PPP5C: variants seen among roughly 807,000 people sequenced by gnomAD.
PPP5C encodes serine/threonine-protein phosphatase 5.
A neutral mutation model predicts 66.7 loss-of-function variants in PPP5C; 21 were observed. The ratio of observed to expected loss-of-function variants is 0.31; its 90% CI spans 0.22 to 0.45. The LOEUF (loss-of-function observed/expected upper bound fraction) is 0.45. Among genes scored for constraint, PPP5C ranks in the 20% least tolerant of loss-of-function variants. PPP5C has a pLI of 1.00. For missense variants in PPP5C, 464 were observed against 675.9 expected (o/e 0.69, Z 3.48); for synonymous variants, 246 against 257.4 (o/e 0.96, Z 0.43).
At chr19:46,348,516 G>GT (rs1016454361) in intron 1 of PPP5C, among the ~76,000 whole-genome samples, 1 of 152,066 alleles carries the variant, frequency 6.6e-6, no homozygotes, top group African/African-American at 2.4e-5. Flanking sequence ...GTTTCGCCAT[G>GT]TTGGCCAGGC....
intron 7 of PPP5C, among the ~76,000 whole-genome samples, chr19:46,386,406 A>G (rs1374158653): frequency 6.6e-6 from 1 of 152,202 alleles, no homozygotes; most frequent in Admixed American, 6.5e-5. Flanking sequence ...AAAGCTCAGG[A>G]AGCCCGACTG....
At chr19:46,375,533 T>C in intron 2 of PPP5C, 71 bp from the exon 3 acceptor site, 5 of 1,578,104 alleles carry the variant, frequency 3.2e-6, no homozygotes, top group Admixed American at 3.5e-5. Context: ...AACCCAGGGC[T>C]GGGCAGCCTG....
chr19:46,373,224 G>A (rs542503697), intron 2 of PPP5C, among the ~76,000 whole-genome samples: 1 of 152,364 alleles, frequency 6.6e-6, no homozygotes, highest in African/African-American at 2.4e-5. Context: ...GCCCAGGCAG[G>A]GAGGGGAGGT....
chr19:46,364,354 C>T (rs2147375202), intron 2 of PPP5C, among the ~76,000 whole-genome samples: 1 of 152,254 alleles, frequency 6.6e-6, no homozygotes, highest in South Asian at 2.1e-4. Context: ...AGTGGCTCAC[C>T]CCTGTAATCC....
At chr19:46,387,568 C>G in intron 9 of PPP5C, 115 bp downstream of exon 9, 1 of 1,575,940 alleles carries the variant, frequency 6.3e-7, no homozygotes, top group South Asian at 1.2e-5. Flanking sequence ...CAAGAAACAG[C>G]GGGTCTGAGC....
rs1568580025 is a variant in PPP5C at position 46,389,460 on chromosome 19, C to CACACACACACACACACACACAG, written c.1356-590_1356-589insCACACACACACACACACACAGA. ...ACACACACACACACACACACACACACAGTGTTGATCCCTTGCCCCCACCCG... is the reference window on the plus strand; with the variant it reads ...ACACACACACACACACACACACACACACACACACACACACACACACAGAGTGTTGATCCCTTGCCCCCACCCG... On this transcript the variant is annotated intron_variant, in intron 11 of 12. Transcript: ENST00000012443. Among the ~76,000 whole-genome samples, 4 of 120,816 alleles carry CACACACACACACACACACACAG rather than the reference C, an allele frequency of 3.3e-5. 1 individual carries two copies. Among genetic ancestry groups the CACACACACACACACACACACAG allele is most frequent in the East Asian group, 2.6e-4 (1 of 3,774 alleles). 79.3% of individuals were successfully genotyped at this position (120,816 alleles called of 152,430 possible).
chr19:46,357,896 T>C (rs1972314603), intron 2 of PPP5C, among the ~76,000 whole-genome samples: 1 of 152,190 alleles, frequency 6.6e-6, no homozygotes, highest in African/African-American at 2.4e-5. Context: ...CTTCATTATG[T>C]AGACATGATT....
chr19:46,373,650 G>T (rs761870910), intron 2 of PPP5C, among the ~76,000 whole-genome samples: 17 of 149,716 alleles, frequency 1.1e-4, no homozygotes, highest in Non-Finnish European at 1.6e-4. Flanking sequence ...TTTGGAGAAA[G>T]GGGGGAAGGG....
intron 2 of PPP5C, among the ~76,000 whole-genome samples, chr19:46,356,096 A>T (rs1280865589): frequency 6.6e-6 from 1 of 152,186 alleles, no homozygotes; most frequent in Non-Finnish European, 1.5e-5. Flanking sequence ...GGCTTCAGCC[A>T]TCTTGTGGGT....
intron 2 of PPP5C, among the ~76,000 whole-genome samples, chr19:46,371,361 A>G (rs1972588335): frequency 6.6e-6 from 1 of 152,226 alleles, no homozygotes; most frequent in South Asian, 2.1e-4. Flanking sequence ...AAGTAACAGG[A>G]ATAGTCACAA....
intron 1 of PPP5C, among the ~76,000 whole-genome samples, chr19:46,348,954 G>C (rs917149963): frequency 6.6e-6 from 1 of 152,188 alleles, no homozygotes; most frequent in Non-Finnish European, 1.5e-5. Context: ...GGGAGTGATG[G>C]GGGTGATGCA....
At chr19:46,369,926 G>GAAAA (rs58057964) in intron 2 of PPP5C, among the ~76,000 whole-genome samples, 1 of 144,028 alleles carries the variant, frequency 6.9e-6, no homozygotes. Context: ...ACTCCGTCTG[G>GAAAA]AAAAAAAAAA....
At chr19:46,354,652 C>T (rs968622791) in intron 2 of PPP5C, among the ~76,000 whole-genome samples, 1 of 152,076 alleles carries the variant, frequency 6.6e-6, no homozygotes, top group Non-Finnish European at 1.5e-5. Flanking sequence ...CAAAAATTAG[C>T]CAAGCGTGGT....
intron 2 of PPP5C, among the ~76,000 whole-genome samples, chr19:46,358,740 G>C (rs568643655): frequency 3.2e-4 from 48 of 152,186 alleles, no homozygotes; most frequent in African/African-American, 1.1e-3. Flanking sequence ...GATTACAAAG[G>C]GTGTCTTTCA....
At chr19:46,356,034 GCCCAACCCCGCATACT>G (rs776816418) in intron 2 of PPP5C, among the ~76,000 whole-genome samples, 49 of 152,276 alleles carry the variant, frequency 3.2e-4, no homozygotes, top group South Asian at 1.4e-3. Context: ...CCAGTCTAGG[GCCCAACCCCGCATACT>G]CCCAACCCCG....
At chr19:46,347,469 C>A (rs939556938) in intron 1 of PPP5C, among the ~76,000 whole-genome samples, 3 of 151,662 alleles carry the variant, frequency 2.0e-5, no homozygotes, top group Non-Finnish European at 4.4e-5. Flanking sequence ...AATTGTGGGG[C>A]GAGAGGGGGA....
chr19:46,357,439 C>A (rs1430814613), intron 2 of PPP5C, among the ~76,000 whole-genome samples: 1 of 152,142 alleles, frequency 6.6e-6, no homozygotes, highest in Non-Finnish European at 1.5e-5. Context: ...CTCTCCCTAC[C>A]GGCAACCAAG....
intron 9 of PPP5C, 186 bp downstream of exon 9, chr19:46,387,639 G>T: frequency 6.6e-7 from 1 of 1,519,694 alleles, no homozygotes; most frequent in South Asian, 1.2e-5. Flanking sequence ...GTGATGGCAA[G>T]CACGGTCGTG....
chr19:46,353,431 T>C (rs1194469156), intron 1 of PPP5C, among the ~76,000 whole-genome samples: 1 of 145,064 alleles, frequency 6.9e-6, no homozygotes, highest in East Asian at 2.1e-4. Context: ...CAGACAAGGC[T>C]CAACCACCTC....
Sources: allele counts gnomAD v4.1 joint callset (sites outside exome capture counted in the v4.1 genomes callset), GRCh38; gene constraint gnomAD v4.1.1; transcripts MANE v1.5; gene names NCBI Gene and HGNC (gene_info 2026-07-23, HGNC 2026-07-21).